Variants in CSMD1 observed in about 807,000 individuals in gnomAD.
CSMD1 encodes CUB and sushi domain-containing protein 1.
A neutral mutation model predicts 417.5 loss-of-function variants in CSMD1; 213 were observed. The observed-to-expected ratio is 0.51, with a 90% confidence interval of 0.46 to 0.57. The LOEUF is 0.57. Ranked by LOEUF, CSMD1 falls within the 20% of genes least tolerant of loss-of-function variation. CSMD1 has a pLI of 0.00. For synonymous variants in CSMD1, 2,862 were observed against 1,736.8 expected (o/e 1.65, Z -16.11); for missense variants, 6,923 against 4,529.7 (o/e 1.53, Z -15.17).
chr8:4,728,516 G>T (rs544847263), intron 1 of CSMD1, among the ~76,000 whole-genome samples: 1 of 152,178 alleles, frequency 6.6e-6, no homozygotes, highest in South Asian at 2.1e-4. Flanking sequence ...TTTACTAGGT[G>T]AAATAAATAA....
chr8:3,429,896 T>C (rs548402555), intron 12 of CSMD1, among the ~76,000 whole-genome samples: 2 of 152,308 alleles, frequency 1.3e-5, no homozygotes, highest in African/African-American at 4.8e-5. Context: ...GTGCACCAGA[T>C]CACACCAGGG....
chr8:3,019,056 T>G (rs372097897), intron 51 of CSMD1, among the ~76,000 whole-genome samples: 14 of 152,262 alleles, frequency 9.2e-5, no homozygotes, highest in African/African-American at 3.4e-4. Flanking sequence ...TAGCTGCGAT[T>G]AAAGGCGCCT....
chr8:4,939,406 C>T (rs1807832710), intron 1 of CSMD1, among the ~76,000 whole-genome samples: 1 of 152,170 alleles, frequency 6.6e-6, no homozygotes, highest in African/African-American at 2.4e-5. Context: ...CTCAGTGACC[C>T]TCAACAGGTG....
rs149902113 is a variant in CSMD1, at chr8:3,648,318, A to G, written c.1010-31521T>C. 1.9e-3 allele frequency among the ~76,000 whole-genome samples: 288 copies of G among 152,330 alleles called. 1 individual carries two copies. The highest frequency in any genetic ancestry group is 6.7e-3 in the African/African-American group (277 of 41,576). On this transcript the variant is annotated intron_variant, in intron 7 of 69. Transcript: ENST00000635120. Reference sequence around the variant, plus strand: ...CTGCCCTACAAATTGCCTTGCTGAAATAATAGTTGTTGCTATATTGAACAA... The same window carrying G: ...CTGCCCTACAAATTGCCTTGCTGAAGTAATAGTTGTTGCTATATTGAACAA...
At chr8:4,806,257 G>A (rs546671951) in intron 1 of CSMD1, among the ~76,000 whole-genome samples, 1 of 152,298 alleles carries the variant, frequency 6.6e-6, no homozygotes, top group African/African-American at 2.4e-5. Flanking sequence ...CATGCAGTGT[G>A]CACATGCTCG....
chr8:3,363,841 ATC>A, intron 20 of CSMD1, among the ~76,000 whole-genome samples: 1 of 152,210 alleles, frequency 6.6e-6, no homozygotes, highest in East Asian at 1.9e-4. Context: ...AGTGTGGAGT[ATC>A]CAGTGCACAT....
intron 10 of CSMD1, among the ~76,000 whole-genome samples, chr8:3,513,359 G>A (rs1460731333): frequency 4.1e-5 from 6 of 147,448 alleles, no homozygotes; most frequent in Non-Finnish European, 8.9e-5. Context: ...TTTTTGAGAT[G>A]GAGTCTTACT....
intron 1 of CSMD1, among the ~76,000 whole-genome samples, chr8:4,699,938 A>G (rs891215725): frequency 1.3e-5 from 2 of 152,230 alleles, no homozygotes; most frequent in African/African-American, 4.8e-5. Flanking sequence ...TACACAAGCT[A>G]GGATTAGAAT....
At chr8:4,642,280 A>G (rs1053416330) in intron 1 of CSMD1, among the ~76,000 whole-genome samples, 7 of 152,218 alleles carry the variant, frequency 4.6e-5, no homozygotes, top group Non-Finnish European at 8.8e-5. Context: ...ACTGTGTCCT[A>G]TGACAATTTT....
chr8:3,846,644 C>G (rs981724203), intron 5 of CSMD1, among the ~76,000 whole-genome samples: 1 of 152,086 alleles, frequency 6.6e-6, no homozygotes, highest in African/African-American at 2.4e-5. Context: ...ATTTCTTTAG[C>G]CTAAGGATTT....
In CSMD1 at chr8:4,032,013, G is replaced by A. The variant is rs200132698; in HGVS notation, c.502C>T (p.Arg168Trp). Residue 168 changes from arginine to tryptophan, a missense_variant, in exon 4 of 70, where the codon CGG becomes TGG. Physicochemically the swap from Arg to Trp is moderately radical, Grantham distance 101. Coordinates refer to ENST00000635120, the MANE Select transcript of CSMD1 (RefSeq NM_033225.6). ...GTRFNIGDKIRYSCLPGYILE... is the reference protein window; with the variant it reads ...GTRFNIGDKIWYSCLPGYILE... ...ATGTAGCCAGGGAGGCAGCTGTACC[G>A]GATTTTGTCTCCTATGTTGAATCTC... 5.6e-5 allele frequency: 91 copies of A among 1,613,850 alleles called. 1 individual carries two copies. Among genetic ancestry groups the A allele is most frequent in the East Asian group, 1.3e-4 (6 of 44,860 alleles).
At chr8:3,126,562 G>C (rs1410326823) in intron 41 of CSMD1, among the ~76,000 whole-genome samples, 2 of 152,296 alleles carry the variant, frequency 1.3e-5, no homozygotes, top group East Asian at 3.9e-4. Flanking sequence ...ATGAATGGTA[G>C]TCCACAGAAT....
intron 46 of CSMD1, among the ~76,000 whole-genome samples, chr8:3,104,487 G>A (rs1344676765): frequency 6.6e-6 from 1 of 151,890 alleles, no homozygotes; most frequent in Admixed American, 6.6e-5. Context: ...TCAGGTAGCG[G>A]TTTCCTGTAA....
At chr8:3,930,381 C>A (rs988299841) in intron 5 of CSMD1, among the ~76,000 whole-genome samples, 3 of 150,644 alleles carry the variant, frequency 2.0e-5, no homozygotes, top group African/African-American at 7.3e-5. Context: ...TTAGCTCACA[C>A]AACTTAGCCC....
rs547275404 is a variant in CSMD1, at chr8:3,751,141, G to A, written c.931+2789C>T. Reference sequence around the variant, plus strand: ...GAAAAAAAGGTAACTTCCTTGTACCGTGTTGTCTTGGAGCTGAACTTTAAA... The same window carrying A: ...GAAAAAAAGGTAACTTCCTTGTACCATGTTGTCTTGGAGCTGAACTTTAAA... On this transcript the variant is annotated intron_variant, in intron 6 of 69. Transcript: ENST00000635120. Among the ~76,000 whole-genome samples, 40 of 152,224 alleles carry A rather than the reference G, an allele frequency of 2.6e-4. 1 individual carries two copies. The highest frequency in any genetic ancestry group is 1.2e-3 in the South Asian group (6 of 4,834).
chr8:4,847,739 C>G (rs189507283), intron 1 of CSMD1, among the ~76,000 whole-genome samples: 4 of 150,884 alleles, frequency 2.7e-5, no homozygotes, highest in African/African-American at 9.7e-5. Flanking sequence ...TTTTCAGGAC[C>G]GTTGGTCAGG....
intron 18 of CSMD1, among the ~76,000 whole-genome samples, chr8:3,380,221 C>T (rs2116767172): frequency 6.6e-6 from 1 of 152,188 alleles, no homozygotes; most frequent in Non-Finnish European, 1.5e-5. Flanking sequence ...AAGGGGATCA[C>T]TAAAAAGTCA....
At chr8:4,777,756 C>A (rs189870979) in intron 1 of CSMD1, among the ~76,000 whole-genome samples, 1 of 152,320 alleles carries the variant, frequency 6.6e-6, no homozygotes, top group Non-Finnish European at 1.5e-5. Context: ...AATACATGCA[C>A]ATGTATCTAC....
At chr8:4,808,778 C>A (rs937518336) in intron 1 of CSMD1, among the ~76,000 whole-genome samples, 1 of 152,194 alleles carries the variant, frequency 6.6e-6, no homozygotes, top group Non-Finnish European at 1.5e-5. Context: ...ACCTTGGTAT[C>A]ATTTTTCATA....
Sources: allele counts gnomAD v4.1 joint callset (sites outside exome capture counted in the v4.1 genomes callset), GRCh38; gene constraint gnomAD v4.1.1; transcripts MANE v1.5; gene names NCBI Gene and HGNC (gene_info 2026-07-23, HGNC 2026-07-21).